The following SDK1 variants were observed in gnomAD, a reference collection of about 807,000 sequenced individuals.
SDK1 encodes the protein sidekick cell adhesion molecule 1.
A neutral mutation model predicts 245.5 loss-of-function variants in SDK1; 157 were observed. The ratio of observed to expected loss-of-function variants is 0.64; its 90% CI spans 0.56 to 0.73. SDK1 has a LOEUF of 0.73. Among genes scored for constraint, SDK1 ranks in the 30% least tolerant of loss-of-function variants. The probability of loss-of-function intolerance (pLI) is 0.00; values close to 1 mark genes in which losing one functional copy is unlikely to be tolerated. For missense variants in SDK1, 3,583 were observed against 3,002.3 expected (o/e 1.19, Z -4.52); for synonymous variants, 1,647 against 1,278.5 (o/e 1.29, Z -6.15).
intron 5 of SDK1, among the ~76,000 whole-genome samples, chr7:3,938,889 ATTCT>A (rs1299723956): frequency 5.9e-5 from 9 of 152,224 alleles, no homozygotes; most frequent in Admixed American, 5.9e-4. Context: ...AAGAAGATAC[ATTCT>A]TTGTTACCTT....
At chr7:4,189,715 A>T (rs904498521) in intron 35 of SDK1, among the ~76,000 whole-genome samples, 16 of 152,188 alleles carry the variant, frequency 1.1e-4, no homozygotes, top group Non-Finnish European at 1.5e-5. Flanking sequence ...GCTTGAACCC[A>T]GGAAGCAGAG....
intron 43 of SDK1, 23 bp downstream of exon 43, chr7:4,241,936 C>T (rs376046457): frequency 2.5e-5 from 41 of 1,609,268 alleles, no homozygotes; most frequent in Admixed American, 1.8e-4. Context: ...TGCTGTGCTG[C>T]GCCCACCTGG....
intron 4 of SDK1, among the ~76,000 whole-genome samples, chr7:3,792,710 A>G (rs1029224789): frequency 1.5e-4 from 23 of 149,986 alleles, no homozygotes; most frequent in Non-Finnish European, 2.8e-4. Context: ...CCATCCATCC[A>G]TCCATCCATC....
intron 1 of SDK1, among the ~76,000 whole-genome samples, chr7:3,517,482 T>C (rs1031282196): frequency 1.3e-5 from 2 of 152,168 alleles, no homozygotes; most frequent in Non-Finnish European, 2.9e-5. Context: ...CTCCTCTTCC[T>C]GGCAATACTC....
chr7:3,919,631 G>C (rs895481190), intron 5 of SDK1, among the ~76,000 whole-genome samples: 1 of 152,154 alleles, frequency 6.6e-6, no homozygotes, highest in African/African-American at 2.4e-5. Context: ...TATTTCAATG[G>C]AGCACCGGCT....
intron 1 of SDK1, among the ~76,000 whole-genome samples, chr7:3,513,694 T>G (rs958741385): frequency 3.3e-5 from 5 of 152,212 alleles, no homozygotes; most frequent in African/African-American, 1.2e-4. Flanking sequence ...TGTGGGTCTG[T>G]TGCGTGATCC....
chr7:3,969,140 A>T (rs1562591268), intron 10 of SDK1, 117 bp from the exon 11 acceptor site: 2 of 914,188 alleles, frequency 2.2e-6, no homozygotes, highest in East Asian at 2.8e-5. Context: ...ATTCGAGACG[A>T]GACTTGGGTG....
intron 1 of SDK1, among the ~76,000 whole-genome samples, chr7:3,525,085 ATAAG>A (rs1327086725): frequency 2.0e-5 from 3 of 152,202 alleles, no homozygotes; most frequent in Admixed American, 6.5e-5. Context: ...ATTAGGTACT[ATAAG>A]TAACCCAGTG....
At chr7:3,723,752 A>C (rs1443361463) in intron 4 of SDK1, among the ~76,000 whole-genome samples, 1 of 151,466 alleles carries the variant, frequency 6.6e-6, no homozygotes, top group Non-Finnish European at 1.5e-5. Context: ...ACGTGTATAT[A>C]CACGTACATA....
At chr7:3,434,065 C>G (rs1779946705) in intron 1 of SDK1, among the ~76,000 whole-genome samples, 2 of 152,104 alleles carry the variant, frequency 1.3e-5, no homozygotes, top group African/African-American at 2.4e-5. Flanking sequence ...GGAGGTGCAA[C>G]AATGAAACAG....
intron 44 of SDK1, among the ~76,000 whole-genome samples, chr7:4,258,050 C>A (rs531768487): frequency 6.6e-6 from 1 of 152,298 alleles, no homozygotes; most frequent in African/African-American, 2.4e-5. Context: ...CCCGCCAGGC[C>A]CCCTTCTTGG....
rs137884567 is a variant in SDK1 at position 3,650,124 on chromosome 7, G to A, written c.713+8019G>A. Among the ~76,000 whole-genome samples, 1,213 of 152,102 alleles carry A rather than the reference G, an allele frequency of 8.0e-3. 4 individuals carry two copies. Among genetic ancestry groups the A allele is most frequent in the Non-Finnish European group, 0.014 (947 of 67,998 alleles). On this transcript the variant is annotated intron_variant, in intron 4 of 44. Coordinates refer to ENST00000404826, the MANE Select transcript of SDK1 (RefSeq NM_152744.4). Reference sequence around the variant, plus strand: ...GACTGCCATGGCATGATCATAGCCCGCTGCAGTTTCAAGCTCCTGGGCTCA... The same window carrying A: ...GACTGCCATGGCATGATCATAGCCCACTGCAGTTTCAAGCTCCTGGGCTCA...
intron 35 of SDK1, among the ~76,000 whole-genome samples, chr7:4,194,832 T>G (rs1382811986): frequency 6.6e-6 from 1 of 152,222 alleles, no homozygotes; most frequent in Non-Finnish European, 1.5e-5. Flanking sequence ...ATTAATACTT[T>G]GAATCCTTCA....
chr7:4,034,089 C>G (rs1788039317), intron 17 of SDK1, among the ~76,000 whole-genome samples: 1 of 152,180 alleles, frequency 6.6e-6, no homozygotes, highest in Non-Finnish European at 1.5e-5. Flanking sequence ...CACAGCCTCG[C>G]CTCTGTGCTA....
At chr7:3,869,013 G>C (rs907204145) in intron 5 of SDK1, among the ~76,000 whole-genome samples, 1 of 152,096 alleles carries the variant, frequency 6.6e-6, no homozygotes, top group Non-Finnish European at 1.5e-5. Context: ...TTTCTCATTC[G>C]GGAAAAACAA....
rs536335997 is a variant in SDK1, at chr7:3,714,078, T to C, written c.713+71973T>C. On this transcript the variant is annotated intron_variant, in intron 4 of 44. Transcript: ENST00000404826. ...GGCAGCAAGTCGTGAGCCGGCTGCC[T>C]GACAGCAAAGGAGGAAGCGTTTAAA... Among the ~76,000 whole-genome samples, 85 of 152,280 alleles carry C rather than the reference T, an allele frequency of 5.6e-4. 1 individual carries two copies. Among genetic ancestry groups the C allele is most frequent in the African/African-American group, 2.0e-3 (82 of 41,556 alleles).
At chr7:3,522,528 A>G (rs1052107133) in intron 1 of SDK1, among the ~76,000 whole-genome samples, 1 of 150,340 alleles carries the variant, frequency 6.7e-6, no homozygotes, top group South Asian at 2.1e-4. Flanking sequence ...TGTCTTGATT[A>G]TCTTGGGTGC....
rs1780171944 is a variant in SDK1 at position 3,440,790 on chromosome 7, T to C, written c.298+138906T>C. Among the ~76,000 whole-genome samples the C allele has an allele frequency of 2.6e-5, 4 of 152,294 alleles. No individual in the cohort carries two copies. In the South Asian group the frequency reaches 8.3e-4, roughly 32 times the overall value. On this transcript the variant is annotated intron_variant, in intron 1 of 44. Coordinates refer to ENST00000404826, the MANE Select transcript of SDK1 (RefSeq NM_152744.4). ...TTTATGCTGGTCTTGCTGTTGCACC[T>C]CAAACTGCAAAAGTTATGGCCACAA...
chr7:3,791,166 A>C lies in SDK1; in HGVS notation c.714-30284A>C, dbSNP rs577288433. ...ACATAAGTGGTAGTTTAAAAACAAC[A>C]AAAAAAAAAACACCTGTACCATTAA... On this transcript the variant is annotated intron_variant, in intron 4 of 44. Coordinates refer to ENST00000404826, the MANE Select transcript of SDK1 (RefSeq NM_152744.4). Among the ~76,000 whole-genome samples, 1,043 of 140,392 alleles carry C rather than the reference A, an allele frequency of 7.4e-3. 17 individuals are homozygous for C. Among genetic ancestry groups the C allele is most frequent in the African/African-American group, 0.026 (970 of 37,892 alleles). 92.1% of individuals were successfully genotyped at this position (140,392 alleles called of 152,430 possible). A position where few individuals can be genotyped will look rare whatever the true frequency, so the allele number is the denominator to read the frequency against.
Sources: gnomAD v4.1 joint callset for allele counts (sites outside exome capture counted in the v4.1 genomes callset) on GRCh38, gnomAD v4.1.1 for gene constraint, MANE v1.5 for transcripts, NCBI Gene and HGNC (gene_info 2026-07-23, HGNC 2026-07-21) for gene names.